Variants in SP140L observed in about 807,000 individuals in gnomAD.
SP140L encodes SP140 like nuclear body protein, also known as nuclear body protein SP140-like protein.
In SP140L, 64 loss-of-function variants were observed where a neutral mutation model predicts 84.3. The observed-to-expected ratio is 0.76, with a 90% CI of 0.62 to 0.94. SP140L has a LOEUF of 0.94. Among genes scored for constraint, SP140L ranks in the 40% least tolerant of loss-of-function variants. SP140L has a pLI of 0.00. For missense variants in SP140L, 628 were observed against 692.5 expected (o/e 0.91, Z 1.05); for synonymous variants, 242 against 236.9 (o/e 1.02, Z -0.20).
At chr2:230,392,323 A>G (rs2061851439) in intron 12 of SP140L, 94 bp downstream of exon 12, 7 of 1,564,700 alleles carry the variant, frequency 4.5e-6, no homozygotes, top group African/African-American at 4.1e-5. Flanking sequence ...GTTAGGTTAT[A>G]GCTAAAGCCT....
chr2:230,335,407 T>C (rs1419994276), intron 2 of SP140L, among the ~76,000 whole-genome samples: 1 of 152,220 alleles, frequency 6.6e-6, no homozygotes, highest in Non-Finnish European at 1.5e-5. Context: ...CACTGGAGTT[T>C]CTTAGCCGTT....
intron 5 of SP140L, among the ~76,000 whole-genome samples, chr2:230,366,710 C>CTAT (rs60410770): frequency 0.11 from 16,518 of 144,350 alleles, 1,194 homozygotes; most frequent in Non-Finnish European, 0.16. Flanking sequence ...GGATTATTAT[C>CTAT]TATTATTATT....
chr2:230,370,801 G>C, intron 5 of SP140L, 107 bp from the exon 6 acceptor site: 1 of 1,032,538 alleles, frequency 9.7e-7, no homozygotes, highest in Non-Finnish European at 1.5e-6. Flanking sequence ...GTGCAGAAAA[G>C]AGGGTTATTG....
At chr2:230,355,654 A>G (rs1401976059) in intron 2 of SP140L, among the ~76,000 whole-genome samples, 1 of 152,218 alleles carries the variant, frequency 6.6e-6, no homozygotes, top group Admixed American at 6.5e-5. Flanking sequence ...ACACAAAATC[A>G]TATCAGCATA....
intron 9 of SP140L, among the ~76,000 whole-genome samples, chr2:230,385,887 C>T (rs914452833): frequency 6.6e-6 from 1 of 152,200 alleles, no homozygotes; most frequent in South Asian, 2.1e-4. Context: ...GCCCTACCCC[C>T]ACTCCATAGC....
At chr2:230,358,596 G>T (rs1355437385) in intron 3 of SP140L, among the ~76,000 whole-genome samples, 1 of 152,136 alleles carries the variant, frequency 6.6e-6, no homozygotes, top group East Asian at 1.9e-4. Context: ...AATCAGTCTT[G>T]GGGGAAGAGC....
chr2:230,328,567 A>G (rs1050491082), intron 1 of SP140L, among the ~76,000 whole-genome samples, 190 bp from the exon 2 acceptor site: 2 of 152,188 alleles, frequency 1.3e-5, no homozygotes, highest in African/African-American at 2.4e-5. Context: ...CCATTCTCCA[A>G]TTGAAGGACA....
chr2:230,333,447 C>G (rs1339421447), intron 2 of SP140L, among the ~76,000 whole-genome samples: 2 of 152,100 alleles, frequency 1.3e-5, no homozygotes, highest in African/African-American at 2.4e-5. Context: ...CATAAGCCAC[C>G]GCGCCCGACC....
chr2:230,374,875 A>C (rs1002925508), intron 7 of SP140L, among the ~76,000 whole-genome samples: 1 of 152,226 alleles, frequency 6.6e-6, no homozygotes, highest in Non-Finnish European at 1.5e-5. Flanking sequence ...TTTCATATGC[A>C]CTGGGAAACC....
At chr2:230,358,539 C>T (rs1179741471) in intron 3 of SP140L, among the ~76,000 whole-genome samples, 1 of 152,164 alleles carries the variant, frequency 6.6e-6, no homozygotes, top group Non-Finnish European at 1.5e-5. Context: ...GCCAAGTTCA[C>T]AGCAAGGGGA....
intron 5 of SP140L, among the ~76,000 whole-genome samples, chr2:230,370,231 C>T (rs986682596): frequency 1.3e-5 from 2 of 152,020 alleles, no homozygotes; most frequent in Non-Finnish European, 2.9e-5. Context: ...ATGTGTCAGG[C>T]GTGATTATTG....
At chr2:230,379,319 G>A (rs2061337282) in intron 7 of SP140L, among the ~76,000 whole-genome samples, 1 of 151,860 alleles carries the variant, frequency 6.6e-6, no homozygotes, top group Non-Finnish European at 1.5e-5. Flanking sequence ...CTGATGGATT[G>A]ATATAAAATT....
rs2059608914 is a variant in SP140L at position 230,327,360 on chromosome 2, C to A, written c.32+59C>A. 4 of 1,567,056 alleles carry A rather than the reference C, an allele frequency of 2.6e-6. No individual in the cohort carries two copies. In the African/African-American group the frequency reaches 5.4e-5, roughly 21 times the overall value. ...CTCTGGCAGTATTGGAGCTTTCATG[C>A]CTGTAGTTCAGTTTCTGTCTAAAGC... is the stretch of plus-strand genomic sequence containing the variant. On this transcript the variant is annotated intron_variant, in intron 1 of 18. Transcript: ENST00000415673.
At chr2:230,393,336 T>C in intron 12 of SP140L, 78 bp from the exon 13 acceptor site, 2 of 1,468,512 alleles carry the variant, frequency 1.4e-6, no homozygotes, top group Non-Finnish European at 9.1e-7. Context: ...TAGAAGTATT[T>C]GGGAAGAGGT....
chr2:230,402,668 T>C (rs2062406540), intron 18 of SP140L, 130 bp from the exon 19 acceptor site: 3 of 696,608 alleles, frequency 4.3e-6, no homozygotes, highest in Admixed American at 3.2e-5. Flanking sequence ...CCAAAATACA[T>C]ACCATTATAA....
At chr2:230,363,911 T>C (rs1208910114) in intron 5 of SP140L, among the ~76,000 whole-genome samples, 4 of 152,174 alleles carry the variant, frequency 2.6e-5, no homozygotes, top group Admixed American at 6.5e-5. Context: ...CCCAACATCA[T>C]TTATTAAAGA....
chr2:230,398,351 T>A (rs2062149159), intron 14 of SP140L, among the ~76,000 whole-genome samples: 1 of 152,024 alleles, frequency 6.6e-6, no homozygotes, highest in Non-Finnish European at 1.5e-5. Flanking sequence ...GGCCAACAAC[T>A]AAAGAACCAG....
chr2:230,361,744 A>G, intron 5 of SP140L, 47 bp downstream of exon 5: 1 of 1,434,994 alleles, frequency 7.0e-7, no homozygotes. Context: ...TAAGAGGAAA[A>G]GGAGACAAGG....
At chr2:230,395,890 G>C (rs1027003554) in intron 13 of SP140L, among the ~76,000 whole-genome samples, 2 of 152,220 alleles carry the variant, frequency 1.3e-5, no homozygotes, top group Non-Finnish European at 2.9e-5. Context: ...ATAGAAGGGA[G>C]AGCAGGAGAC....
Sources: gnomAD v4.1 joint callset for allele counts (sites outside exome capture counted in the v4.1 genomes callset) on GRCh38, gnomAD v4.1.1 for gene constraint, MANE v1.5 for transcripts, NCBI Gene and HGNC (gene_info 2026-07-23, HGNC 2026-07-21) for gene names.